Variants in MARCHF6 observed in about 807,000 individuals in gnomAD.
The protein encoded by MARCHF6 is membrane associated ring-CH-type finger 6, also known as E3 ubiquitin-protein ligase MARCHF6.
MARCHF6 carries 31 observed loss-of-function variants against 133.7 expected under a neutral mutation model. The ratio of observed to expected loss-of-function variants is 0.23; its 90% CI spans 0.17 to 0.31. The LOEUF is 0.31. Among genes scored for constraint, MARCHF6 ranks in the 10% least tolerant of loss-of-function variants. MARCHF6 has a pLI of 1.00. For missense variants in MARCHF6, 723 were observed against 1,121.6 expected (o/e 0.64, Z 5.08); for synonymous variants, 395 against 402.5 (o/e 0.98, Z 0.22).
At position 10,391,525 on chromosome 5, in the gene MARCHF6, C is replaced by T. The variant is rs1737843149; in HGVS notation, c.577-17C>T. On this transcript the variant is annotated splice_polypyrimidine_tract_variant and intron_variant, in intron 6 of 25. Transcript: ENST00000274140. ...AGACAAGTGGATCTAAATTTCTGGG[C>T]TTTTCTGTGATTTTAGGCTCCAGCA... The T allele has an allele frequency of 7.4e-7, 1 of 1,350,912 alleles. No homozygotes were observed. Among genetic ancestry groups the T allele is most frequent in the Non-Finnish European group, 9.9e-7 (1 of 1,013,788 alleles). The allele number at this position is 1,350,912 out of a possible 1,614,324, so 83.7% of individuals were successfully genotyped here. A position where few individuals can be genotyped will look rare whatever the true frequency, so the allele number is the denominator to read the frequency against.
chr5:10,436,037 T>G lies in MARCHF6; in HGVS notation c.*2353T>G, dbSNP rs1740642930. The G allele has an allele frequency of 6.6e-6, 1 of 150,884 alleles. No homozygotes were observed. Among genetic ancestry groups the G allele is most frequent in the South Asian group, 2.1e-4 (1 of 4,816 alleles). The allele number at this position is 150,884 out of a possible 1,614,324, so 9.3% of individuals were successfully genotyped here. A position where few individuals can be genotyped will look rare whatever the true frequency, so the allele number is the denominator to read the frequency against. On this transcript the variant is annotated 3_prime_UTR_variant, in exon 26 of 26. Coordinates refer to ENST00000274140, the MANE Select transcript of MARCHF6 (RefSeq NM_005885.4). ...CTGGCCAACTTGATTATATTAATTT[T>G]GGGTTTTTTGTTTTGTTTTGTTTTG...
At chr5:10,355,979 A>G (rs1425191604) in intron 1 of MARCHF6, among the ~76,000 whole-genome samples, 1 of 152,240 alleles carries the variant, frequency 6.6e-6, no homozygotes, top group Admixed American at 6.5e-5. Flanking sequence ...ATTATTAGTC[A>G]TGAAATGCAA....
chr5:10,376,728 A>C (rs1297988034), intron 1 of MARCHF6, among the ~76,000 whole-genome samples: 1 of 152,206 alleles, frequency 6.6e-6, no homozygotes, highest in African/African-American at 2.4e-5. Context: ...AAGAGTAGCC[A>C]CAGGCCTGTG....
intron 1 of MARCHF6, among the ~76,000 whole-genome samples, chr5:10,360,296 T>G (rs534791408): frequency 6.5e-4 from 98 of 151,702 alleles, no homozygotes; most frequent in African/African-American, 2.3e-3. Flanking sequence ...ATTACAGGCA[T>G]GCACCACCAT....
At position 10,426,576 on chromosome 5, in the gene MARCHF6, A is replaced by G. The variant is rs892403432; in HGVS notation, c.2506+54A>G. ...AGGAGCACTTTTATTAACATTGGAC[A>G]TTCTCTTTACCCCTAGTAAAAAGGA... On this transcript the variant is annotated intron_variant, in intron 24 of 25. Transcript: ENST00000274140. The G allele has an allele frequency of 2.3e-5, 36 of 1,588,358 alleles. No individual in the cohort carries two copies. The Admixed American group carries it at 6.1e-4, about 27-fold the overall frequency.
In MARCHF6 at chr5:10,394,719, T is replaced by G. The variant is rs199580137; in HGVS notation, c.829-34T>G. The G allele has an allele frequency of 8.9e-5, 138 of 1,550,926 alleles. No homozygotes were observed. In the East Asian group the frequency reaches 2.8e-3, roughly 31 times the overall value. On this transcript the variant is annotated intron_variant, in intron 8 of 25. Transcript: ENST00000274140. ...TTAGAATAGAAAGTTCTGTTGCATC[T>G]TAAATTAATGCTTATCGTTTTTGTT...
chr5:10,429,016 G>C (rs1740234190), intron 24 of MARCHF6, among the ~76,000 whole-genome samples: 1 of 152,116 alleles, frequency 6.6e-6, no homozygotes, highest in African/African-American at 2.4e-5. Flanking sequence ...GGAAATTGAG[G>C]TTCATAGAGA....
chr5:10,410,356 A>G, intron 18 of MARCHF6, 80 bp downstream of exon 18: 2 of 1,487,548 alleles, frequency 1.3e-6, no homozygotes, highest in Non-Finnish European at 1.8e-6. Flanking sequence ...AGTATGTTCC[A>G]TGGCCCACTC....
At chr5:10,394,705 A>G (rs1330319543) in intron 8 of MARCHF6, 48 bp from the exon 9 acceptor site, 47 of 1,448,594 alleles carry the variant, frequency 3.2e-5, no homozygotes, top group Non-Finnish European at 4.0e-5. Context: ...TAGAATAGAA[A>G]GTTCTGTTGC....
chr5:10,400,419 G>A lies in MARCHF6; in HGVS notation c.914-365G>A, dbSNP rs150517407. 2.7e-3 allele frequency among the ~76,000 whole-genome samples: 405 copies of A among 152,146 alleles called. 3 individuals carry two copies. Among genetic ancestry groups the A allele is most frequent in the African/African-American group, 9.4e-3 (389 of 41,514 alleles). On this transcript the variant is annotated intron_variant, in intron 10 of 25. Coordinates refer to ENST00000274140, the MANE Select transcript of MARCHF6 (RefSeq NM_005885.4). ...ACATCAAAGTGTTTTCTTTGATGTT[G>A]CTTTTTCTCTTTTCGTGATTATTAT...
rs752871599 is a variant in MARCHF6, at chr5:10,391,535, A to G, written c.577-7A>G. 2 of 1,433,620 alleles carry G rather than the reference A, an allele frequency of 1.4e-6. No individual in the cohort carries two copies. Among genetic ancestry groups the G allele is most frequent in the Non-Finnish European group, 1.9e-6 (2 of 1,075,176 alleles). 88.8% of individuals were successfully genotyped at this position (1,433,620 alleles called of 1,614,324 possible). ...ATCTAAATTTCTGGGCTTTTCTGTG[A>G]TTTTAGGCTCCAGCAGGAGGAAATG... On this transcript the variant is annotated splice_polypyrimidine_tract_variant and splice_region_variant and intron_variant, in intron 6 of 25. Coordinates refer to ENST00000274140, the MANE Select transcript of MARCHF6 (RefSeq NM_005885.4).
chr5:10,368,737 G>A (rs1454255947), intron 1 of MARCHF6, among the ~76,000 whole-genome samples: 4 of 151,958 alleles, frequency 2.6e-5, no homozygotes, highest in Admixed American at 6.6e-5. Context: ...GCGCCACCAC[G>A]TTCTCGGTAA....
chr5:10,359,955 G>C (rs957249668), intron 1 of MARCHF6, among the ~76,000 whole-genome samples: 3 of 151,872 alleles, frequency 2.0e-5, no homozygotes, highest in African/African-American at 4.8e-5. Flanking sequence ...GCAGTCAGCC[G>C]AGATCGCGCC....
chr5:10,419,297 G>A (rs919884394), intron 22 of MARCHF6, among the ~76,000 whole-genome samples: 64 of 152,254 alleles, frequency 4.2e-4, no homozygotes, highest in African/African-American at 1.3e-3. Flanking sequence ...ATAAAATTAC[G>A]TAGGCTTGTT....
chr5:10,429,954 C>G lies in MARCHF6; in HGVS notation c.2568C>G (p.Val856=). The change falls in exon 25 of 26, where the codon GTC becomes GTG. Residue 856 remains valine (V), a synonymous_variant. Coordinates refer to ENST00000274140, the MANE Select transcript of MARCHF6 (RefSeq NM_005885.4). ...HRRIYPFLLM[V]VVLMAILSFQ... is the part of the protein sequence containing the mutation. ...GGATTTATCCATTTTTACTGATGGT[C>G]GTGGTATTGATGGCAATTTTGTCCT... 6.2e-7 allele frequency: 1 copy of G among 1,613,594 alleles called. No homozygotes were observed. Among genetic ancestry groups the G allele is most frequent in the African/African-American group, 1.3e-5 (1 of 75,020 alleles).
chr5:10,409,174 G>T (rs1331375272), intron 17 of MARCHF6, among the ~76,000 whole-genome samples: 1 of 151,982 alleles, frequency 6.6e-6, no homozygotes, highest in Non-Finnish European at 1.5e-5. Context: ...AAAAATAAAA[G>T]GTTTACTCTA....
At chr5:10,419,281 G>T (rs1231456184) in intron 22 of MARCHF6, among the ~76,000 whole-genome samples, 1 of 152,008 alleles carries the variant, frequency 6.6e-6, no homozygotes, top group African/African-American at 2.4e-5. Flanking sequence ...TAGTCACTAC[G>T]TAATTATAAA....
At chr5:10,394,399 AAAT>A (rs1738051642) in intron 8 of MARCHF6, among the ~76,000 whole-genome samples, 1 of 152,194 alleles carries the variant, frequency 6.6e-6, no homozygotes, top group Admixed American at 6.5e-5. Context: ...TTGAAAAACA[AAAT>A]AACAATTTAA....
intron 9 of MARCHF6, 55 bp downstream of exon 9, chr5:10,394,840 C>T: frequency 1.7e-6 from 2 of 1,197,746 alleles, no homozygotes; most frequent in Non-Finnish European, 2.4e-6. Flanking sequence ...CACTCTGTCA[C>T]CCAGGCTGGA....
Sources: gnomAD v4.1 joint callset for allele counts (sites outside exome capture counted in the v4.1 genomes callset) on GRCh38, gnomAD v4.1.1 for gene constraint, MANE v1.5 for transcripts, NCBI Gene and HGNC (gene_info 2026-07-23, HGNC 2026-07-21) for gene names.